OTUD7A: variants seen among roughly 807,000 people sequenced by gnomAD.
OTUD7A encodes OTU deubiquitinase 7A.
OTUD7A carries 12 observed loss-of-function variants against 65.7 expected under a neutral mutation model. The observed-to-expected ratio is 0.18, with a 90% CI of 0.12 to 0.30. OTUD7A has a LOEUF of 0.30. Among genes scored for constraint, OTUD7A ranks in the 10% least tolerant of loss-of-function variants. The pLI, the probability that OTUD7A is intolerant of heterozygous loss-of-function variation, is 1.00. For synonymous variants in OTUD7A, 641 were observed against 586.3 expected, an observed-to-expected ratio of 1.09 and a Z score of -1.35; for missense variants, 1,148 against 1,304.8, an observed-to-expected ratio of 0.88 and a Z score of 1.85.
intron 1 of OTUD7A, among the ~76,000 whole-genome samples, chr15:31,787,012 C>T (rs143983135): frequency 2.4e-4 from 36 of 152,266 alleles, no homozygotes; most frequent in Non-Finnish European, 4.7e-4. Context: ...TTAGTGGAGA[C>T]ACTGAAAGGG....
At chr15:31,592,051 C>T (rs1477524192) in intron 3 of OTUD7A, among the ~76,000 whole-genome samples, 1 of 152,130 alleles carries the variant, frequency 6.6e-6, no homozygotes, top group Non-Finnish European at 1.5e-5. Context: ...AAATGGTACA[C>T]CTGCACAGGG....
At chr15:31,525,079 A>G (rs1231734127) in intron 8 of OTUD7A, among the ~76,000 whole-genome samples, 1 of 151,288 alleles carries the variant, frequency 6.6e-6, no homozygotes, top group African/African-American at 2.4e-5. Flanking sequence ...GTCTTTCCCC[A>G]CTCCTCCCTG....
intron 1 of OTUD7A, among the ~76,000 whole-genome samples, chr15:31,711,997 C>T (rs905430): frequency 0.74 from 109,640 of 148,684 alleles, 40,541 homozygotes; most frequent in South Asian, 0.81. Flanking sequence ...GAAAGCTCAA[C>T]TATGGCCCAG....
intron 5 of OTUD7A, among the ~76,000 whole-genome samples, chr15:31,547,975 T>C (rs184352478): frequency 9.2e-5 from 14 of 152,248 alleles, no homozygotes; most frequent in Admixed American, 2.0e-4. Flanking sequence ...TCCTTTACGC[T>C]TTCTCAGCTG....
intron 5 of OTUD7A, among the ~76,000 whole-genome samples, chr15:31,539,004 G>C (rs1445632500): frequency 6.6e-6 from 1 of 152,138 alleles, no homozygotes; most frequent in Non-Finnish European, 1.5e-5. Flanking sequence ...AATATGTGCT[G>C]TACACAATGT....
rs186467277 is a variant in OTUD7A at position 31,787,725 on chromosome 15, T to C, written c.-100+82782A>G. 12 of 152,320 alleles carry C rather than the reference T, an allele frequency of 7.9e-5. No homozygotes were observed. In the East Asian group the frequency reaches 1.7e-3, roughly 22 times the overall value. 9.4% of individuals were successfully genotyped at this position (152,320 alleles called of 1,614,324 possible). Reference sequence around the variant, plus strand: ...TTGAATAAAAACAATACAGGAGGCATTGGAAATGGCAGGCAATATCATATG... The same window carrying C: ...TTGAATAAAAACAATACAGGAGGCACTGGAAATGGCAGGCAATATCATATG... On this transcript the variant is annotated intron_variant, in intron 1 of 12. Transcript: ENST00000307050.
chr15:31,846,971 A>G (rs1336135861), intron 1 of OTUD7A, among the ~76,000 whole-genome samples: 7 of 152,184 alleles, frequency 4.6e-5, no homozygotes, highest in Non-Finnish European at 8.8e-5. Flanking sequence ...AGATAGAGAC[A>G]ATGAAAAGCC....
Position 31,676,994 on chromosome 15 carries a change from C to G in OTUD7A, c.-99-19917G>C, listed in dbSNP as rs532404269. On this transcript the variant is annotated intron_variant, in intron 1 of 12. Transcript: ENST00000307050. ...ACCCTGCCTGATGTTGACCATGGCC[C>G]TTGCCTTTGTGTTTCTAGGTCACAT... Among the ~76,000 whole-genome samples the G allele has an allele frequency of 9.2e-5, 14 of 152,328 alleles. No individual in the cohort carries two copies. In the East Asian group the frequency reaches 2.7e-3, roughly 29 times the overall value.
At chr15:31,551,569 C>A (rs1027661046) in intron 5 of OTUD7A, among the ~76,000 whole-genome samples, 4 of 152,156 alleles carry the variant, frequency 2.6e-5, no homozygotes, top group Non-Finnish European at 4.4e-5. Context: ...GATAATGGGA[C>A]CAATTAACTT....
chr15:31,671,806 GT>G (rs1340450038), intron 1 of OTUD7A, among the ~76,000 whole-genome samples: 7 of 152,150 alleles, frequency 4.6e-5, no homozygotes, highest in African/African-American at 1.2e-4. Flanking sequence ...ACATGCACAG[GT>G]TTGTGATATA....
At chr15:31,865,916 T>C (rs988057481) in intron 1 of OTUD7A, among the ~76,000 whole-genome samples, 1 of 152,204 alleles carries the variant, frequency 6.6e-6, no homozygotes, top group Non-Finnish European at 1.5e-5. Context: ...TGCATCTTAC[T>C]CATGTGTATT....
chr15:31,802,141 G>A (rs55697728), intron 1 of OTUD7A, among the ~76,000 whole-genome samples: 103,875 of 142,636 alleles, frequency 0.73, 38,063 homozygotes, highest in African/African-American at 0.8. Context: ...GTGTGTGTGT[G>A]TATATATATA....
chr15:31,520,529 C>G (rs1248566138), intron 8 of OTUD7A, among the ~76,000 whole-genome samples: 1 of 152,182 alleles, frequency 6.6e-6, no homozygotes, highest in Non-Finnish European at 1.5e-5. Flanking sequence ...AAATGTAAGA[C>G]CTGAAACTAT....
In OTUD7A at chr15:31,746,314, T is replaced by C. The variant is rs139401387; in HGVS notation, c.-99-89237A>G. 3.3e-3 allele frequency among the ~76,000 whole-genome samples: 502 copies of C among 152,164 alleles called. 3 individuals are homozygous for C. The highest frequency in any genetic ancestry group is 5.9e-3 in the Non-Finnish European group (399 of 67,990). On this transcript the variant is annotated intron_variant, in intron 1 of 12. Transcript: ENST00000307050. Reference sequence around the variant, plus strand: ...AAATGTCCATCAAGAAGAGAATGGGTAATGACTGTGGTGTGTATTTATGTA... The same window carrying C: ...AAATGTCCATCAAGAAGAGAATGGGCAATGACTGTGGTGTGTATTTATGTA...
chr15:31,592,799 G>C (rs1889767671), intron 3 of OTUD7A, among the ~76,000 whole-genome samples: 1 of 140,828 alleles, frequency 7.1e-6, no homozygotes, highest in South Asian at 2.4e-4. Context: ...AGAATGGCGT[G>C]AACCCAGGAG....
intron 1 of OTUD7A, among the ~76,000 whole-genome samples, chr15:31,760,867 T>G (rs1894942411): frequency 6.6e-6 from 1 of 152,230 alleles, no homozygotes; most frequent in South Asian, 2.1e-4. Context: ...GTCTGGTTGA[T>G]TCTTTACAAG....
At chr15:31,504,314 A>T (rs1215924005) in intron 8 of OTUD7A, among the ~76,000 whole-genome samples, 1 of 151,894 alleles carries the variant, frequency 6.6e-6, no homozygotes, top group Non-Finnish European at 1.5e-5. Context: ...ACCCCAATGG[A>T]GGAGAACAGT....
At chr15:31,624,171 A>G (rs1005327285) in intron 3 of OTUD7A, among the ~76,000 whole-genome samples, 4 of 152,250 alleles carry the variant, frequency 2.6e-5, no homozygotes, top group Non-Finnish European at 5.9e-5. Flanking sequence ...GCACATGGGC[A>G]TGTAGTTTTA....
At chr15:31,607,350 T>G (rs1397304943) in intron 3 of OTUD7A, among the ~76,000 whole-genome samples, 1 of 151,800 alleles carries the variant, frequency 6.6e-6, no homozygotes, top group Non-Finnish European at 1.5e-5. Context: ...ACCCCAAGAG[T>G]GAGAGTAAAC....
Sources: gnomAD v4.1 joint callset for allele counts (sites outside exome capture counted in the v4.1 genomes callset) on GRCh38, gnomAD v4.1.1 for gene constraint, MANE v1.5 for transcripts, NCBI Gene and HGNC (gene_info 2026-07-23, HGNC 2026-07-21) for gene names.